Variants in CHM observed in about 807,000 individuals in gnomAD.
CHM encodes the protein CHM Rab escort protein.
CHM carries 10 observed loss-of-function variants against 49.0 expected under a neutral mutation model. The ratio of observed to expected loss-of-function variants is 0.20; its 90% confidence interval spans 0.13 to 0.35. CHM has a LOEUF of 0.35. Among genes scored for constraint, CHM ranks in the 10% least tolerant of loss-of-function variants. CHM has a pLI of 1.00. For missense variants in CHM, 455 were observed against 478.4 expected, an observed-to-expected ratio of 0.95 and a Z score of 0.46; for synonymous variants, 184 against 167.5, an observed-to-expected ratio of 1.10 and a Z score of -0.76.
chrX:85,939,765 C>G (rs1453735638), intron 8 of CHM, among the ~76,000 whole-genome samples: 3 of 112,303 alleles, frequency 2.7e-5, no homozygotes, highest in Non-Finnish European at 3.8e-5. Context: ...CTCAGTATCT[C>G]CTATATGCTT....
At chrX:85,934,181 T>C (rs1166005628) in intron 8 of CHM, among the ~76,000 whole-genome samples, 2 of 108,450 alleles carry the variant, frequency 1.8e-5, no homozygotes, top group African/African-American at 3.4e-5. Flanking sequence ...AGGGTTTCAC[T>C]GTGTTACGCA....
intron 8 of CHM, among the ~76,000 whole-genome samples, chrX:85,948,816 T>C (rs1288780114): frequency 8.9e-6 from 1 of 112,014 alleles, no homozygotes; most frequent in African/African-American, 3.2e-5. Context: ...TAGATGGTAA[T>C]AGTGTTACTA....
chrX:86,030,723 T>C (rs951331781), intron 1 of CHM, among the ~76,000 whole-genome samples: 7 of 110,532 alleles, frequency 6.3e-5, no homozygotes, highest in Non-Finnish European at 3.8e-5. Context: ...CAGGAGAAAT[T>C]AGCTGGGTCT....
At chrX:86,014,153 A>C (rs1485318029) in intron 2 of CHM, among the ~76,000 whole-genome samples, 2 of 112,398 alleles carry the variant, frequency 1.8e-5, no homozygotes, top group Non-Finnish European at 3.8e-5. Context: ...AAAGACAAGA[A>C]ATGGGAAAGA....
intron 13 of CHM, among the ~76,000 whole-genome samples, chrX:85,876,111 T>C (rs943319656): frequency 3.6e-5 from 4 of 111,678 alleles, no homozygotes; most frequent in African/African-American, 9.7e-5. Flanking sequence ...CAATAAGTTC[T>C]TGAAAAGATG....
chrX:85,872,196 G>A (rs1008500184), intron 14 of CHM, among the ~76,000 whole-genome samples: 1 of 111,922 alleles, frequency 8.9e-6, no homozygotes, highest in African/African-American at 3.2e-5. Flanking sequence ...TAAGATCCTT[G>A]CCACTGGCGG....
At chrX:85,926,430 C>T (rs763224985) in intron 8 of CHM, among the ~76,000 whole-genome samples, 2 of 111,085 alleles carry the variant, frequency 1.8e-5, no homozygotes, top group South Asian at 7.7e-4. Context: ...ATAATTACCT[C>T]ACAAAAACCA....
At chrX:85,906,844 G>C (rs1926617711) in intron 9 of CHM, among the ~76,000 whole-genome samples, 1 of 112,097 alleles carries the variant, frequency 8.9e-6, no homozygotes, top group South Asian at 3.7e-4. Context: ...TCTAGAAAAG[G>C]CATAGACAGC....
At chrX:86,015,953 T>G (rs772666973) in intron 2 of CHM, among the ~76,000 whole-genome samples, 1 of 111,039 alleles carries the variant, frequency 9.0e-6, no homozygotes, top group African/African-American at 3.3e-5. Flanking sequence ...GCCAACATGG[T>G]GAAACCCCGT....
At chrX:85,906,931 C>T (rs1166824590) in intron 9 of CHM, among the ~76,000 whole-genome samples, 3 of 111,110 alleles carry the variant, frequency 2.7e-5, no homozygotes, top group East Asian at 2.8e-4. Flanking sequence ...GTCAGGAGTT[C>T]GAGACTGCCC....
chrX:86,037,621 G>A (rs749861118), intron 1 of CHM, among the ~76,000 whole-genome samples: 21 of 111,125 alleles, frequency 1.9e-4, no homozygotes, highest in African/African-American at 6.5e-4. Flanking sequence ...TCATAAAACT[G>A]TGAGTCTAAA....
intron 9 of CHM, among the ~76,000 whole-genome samples, chrX:85,909,559 A>G (rs920838179): frequency 1.8e-5 from 2 of 112,021 alleles, no homozygotes; most frequent in Non-Finnish European, 3.8e-5. Flanking sequence ...CCACCAATCT[A>G]GAGATTCATT....
chrX:85,865,838 A>C (rs1260726365), intron 14 of CHM, among the ~76,000 whole-genome samples: 1 of 111,940 alleles, frequency 8.9e-6, no homozygotes, highest in African/African-American at 3.2e-5. Flanking sequence ...GAAACTTTGA[A>C]CTTGAGAAAG....
intron 2 of CHM, among the ~76,000 whole-genome samples, chrX:86,011,382 C>A (rs1375359337): frequency 9.0e-6 from 1 of 111,022 alleles, no homozygotes; most frequent in Non-Finnish European, 1.9e-5. Flanking sequence ...ATAAAAAAGG[C>A]ATAAAGGTAT....
chrX:86,036,235 G>A (rs1312263583), intron 1 of CHM, among the ~76,000 whole-genome samples: 2 of 111,629 alleles, frequency 1.8e-5, no homozygotes, highest in African/African-American at 6.5e-5. Flanking sequence ...AGGGAGGCAT[G>A]AGACATCAAT....
chrX:85,986,624 C>T (rs186842134), intron 2 of CHM, among the ~76,000 whole-genome samples: 15 of 112,016 alleles, frequency 1.3e-4, no homozygotes, highest in Admixed American at 1.3e-3. Flanking sequence ...AGACCCTGTA[C>T]GAAGCCTCGG....
At chrX:85,982,087 G>T (rs114803582) in intron 2 of CHM, among the ~76,000 whole-genome samples, 442 of 111,861 alleles carry the variant, frequency 4.0e-3, no homozygotes, top group African/African-American at 0.014. Context: ...TATGTGAACC[G>T]CCTGACATGG....
At chrX:85,959,167 T>C (rs1215888965) in intron 5 of CHM, among the ~76,000 whole-genome samples, 190 bp from the exon 6 acceptor site, 1 of 111,561 alleles carries the variant, frequency 9.0e-6, no homozygotes, top group Non-Finnish European at 1.9e-5. Flanking sequence ...TCAAAAAACT[T>C]TGCAATCCAT....
chrX:85,965,261 T>C (rs1018022443), intron 4 of CHM, among the ~76,000 whole-genome samples: 1 of 112,363 alleles, frequency 8.9e-6, no homozygotes, highest in Non-Finnish European at 1.9e-5. Context: ...AGCAAACTAC[T>C]TTAAGAAAAA....
Sources: gnomAD v4.1 joint callset for allele counts (sites outside exome capture counted in the v4.1 genomes callset) on GRCh38, gnomAD v4.1.1 for gene constraint, MANE v1.5 for transcripts, NCBI Gene and HGNC (gene_info 2026-07-23, HGNC 2026-07-21) for gene names.